Variants in WDR7 observed in about 807,000 individuals in gnomAD.
The protein encoded by WDR7 is WD repeat-containing protein 7.
A neutral mutation model predicts 169.4 loss-of-function variants in WDR7; 46 were observed. That is an observed-to-expected ratio of 0.27 (90% confidence interval 0.21 to 0.35). The LOEUF (loss-of-function observed/expected upper bound fraction) is 0.35. Among genes scored for constraint, WDR7 ranks in the 10% least tolerant of loss-of-function variants. The pLI, the probability that WDR7 is intolerant of heterozygous loss-of-function variation, is 1.00. For synonymous variants in WDR7, 612 were observed against 666.8 expected (o/e 0.92, Z 1.27); for missense variants, 1,534 against 1,859.3 (o/e 0.83, Z 3.22).
At chr18:56,845,542 CTG>C (rs781033283) in intron 20 of WDR7, among the ~76,000 whole-genome samples, 5 of 152,020 alleles carry the variant, frequency 3.3e-5, no homozygotes, top group Non-Finnish European at 5.9e-5. Flanking sequence ...CATTCCATCA[CTG>C]TTACATTTAG....
chr18:56,751,260 G>A (rs968085569), intron 14 of WDR7, among the ~76,000 whole-genome samples: 1 of 152,132 alleles, frequency 6.6e-6, no homozygotes, highest in Admixed American at 6.5e-5. Context: ...AGGGACAGAA[G>A]CATTCACAGA....
intron 21 of WDR7, among the ~76,000 whole-genome samples, chr18:56,921,593 T>C (rs981039579): frequency 6.6e-6 from 1 of 152,166 alleles, no homozygotes; most frequent in Admixed American, 6.5e-5. Flanking sequence ...AGTGAGGCCA[T>C]GCTTGACAGA....
chr18:56,941,290 A>G (rs968775892), intron 25 of WDR7, among the ~76,000 whole-genome samples: 1 of 121,814 alleles, frequency 8.2e-6, no homozygotes, highest in African/African-American at 6.9e-5. Context: ...AGGAGAAGGC[A>G]TAATAATAAT....
intron 20 of WDR7, among the ~76,000 whole-genome samples, chr18:56,855,229 T>C (rs2145384836): frequency 1.0e-5 from 1 of 97,564 alleles, no homozygotes; most frequent in South Asian, 3.9e-4. Context: ...TCAAGTCTTT[T>C]GCCTGTTTTT....
chr18:56,691,140 T>G, intron 7 of WDR7, 76 bp from the exon 8 acceptor site: 1 of 1,532,994 alleles, frequency 6.5e-7, no homozygotes, highest in East Asian at 2.5e-5. Context: ...GGCTTTTTTT[T>G]TAAACTTGAA....
At chr18:56,898,227 A>G (rs1193863231) in intron 21 of WDR7, among the ~76,000 whole-genome samples, 1 of 152,066 alleles carries the variant, frequency 6.6e-6, no homozygotes, top group Non-Finnish European at 1.5e-5. Flanking sequence ...TAATCTATAG[A>G]ATAAAATACC....
downstream of WDR7, chr18:57,032,823 A>T (rs1302990554): frequency 2.0e-5 from 2 of 99,186 alleles, no homozygotes; most frequent in African/African-American, 1.2e-4. Context: ...ATATATATAT[A>T]TATATATATA....
rs146614707 is a variant in WDR7, at chr18:56,745,989, G to A, written c.1990-10594G>A. Among the ~76,000 whole-genome samples the A allele has an allele frequency of 1.1e-3, 164 of 152,150 alleles. 1 individual carries two copies. In the East Asian group the frequency reaches 0.024, roughly 22 times the overall value. On this transcript the variant is annotated intron_variant, in intron 14 of 27. Transcript: ENST00000254442. The stretch of plus-strand genomic sequence containing the variant: ...GTTGGCCAGCAAGTGTGTGAGTCAG[G>A]GACAATGATTTCAAGGTTTAAACAT...
chr18:56,689,146 C>T (rs1247091591), intron 7 of WDR7, among the ~76,000 whole-genome samples: 1 of 152,156 alleles, frequency 6.6e-6, no homozygotes, highest in Non-Finnish European at 1.5e-5. Flanking sequence ...GTACTACAAC[C>T]CACCAGAATG....
At chr18:56,702,432 A>G (rs912747004) in intron 12 of WDR7, among the ~76,000 whole-genome samples, 7 of 152,230 alleles carry the variant, frequency 4.6e-5, no homozygotes, top group Non-Finnish European at 1.0e-4. Context: ...GTTATAAAAC[A>G]TTTTCCTTAA....
At chr18:56,915,287 G>A (rs1224546852) in intron 21 of WDR7, among the ~76,000 whole-genome samples, 1 of 152,180 alleles carries the variant, frequency 6.6e-6, no homozygotes, top group African/African-American at 2.4e-5. Flanking sequence ...AGATGGCACT[G>A]TGCCATCCTT....
intron 20 of WDR7, among the ~76,000 whole-genome samples, chr18:56,833,583 C>T (rs1290338730): frequency 1.3e-5 from 2 of 152,174 alleles, no homozygotes; most frequent in African/African-American, 2.4e-5. Context: ...GTCTGCGTTA[C>T]AAACGTCAGT....
intron 16 of WDR7, among the ~76,000 whole-genome samples, chr18:56,769,631 G>A (rs2044122021): frequency 6.6e-6 from 1 of 152,130 alleles, no homozygotes; most frequent in Non-Finnish European, 1.5e-5. Flanking sequence ...TTACTCAGTG[G>A]GAGGTGCCCA....
intron 21 of WDR7, among the ~76,000 whole-genome samples, chr18:56,883,543 G>A (rs543983931): frequency 5.5e-4 from 83 of 150,344 alleles, no homozygotes; most frequent in African/African-American, 1.8e-3. Context: ...TTTTGGAGGA[G>A]CAAGTGTTGT....
intron 27 of WDR7, among the ~76,000 whole-genome samples, chr18:57,023,039 C>T (rs1309858661): frequency 6.6e-6 from 1 of 152,218 alleles, no homozygotes; most frequent in Non-Finnish European, 1.5e-5. Context: ...AAACCAATGT[C>T]GGAATTTAAC....
At chr18:56,950,307 C>G (rs995593974) in intron 25 of WDR7, among the ~76,000 whole-genome samples, 1 of 152,164 alleles carries the variant, frequency 6.6e-6, no homozygotes, top group African/African-American at 2.4e-5. Context: ...TTGCTCACTG[C>G]CAGCGTGGCA....
At chr18:56,938,967 A>G (rs1261821313) in intron 24 of WDR7, among the ~76,000 whole-genome samples, 2 of 152,002 alleles carry the variant, frequency 1.3e-5, no homozygotes, top group Non-Finnish European at 2.9e-5. Flanking sequence ...TAATATGTAA[A>G]GGTCTGTAAT....
At chr18:57,003,633 A>G in intron 26 of WDR7, among the ~76,000 whole-genome samples, 1 of 152,152 alleles carries the variant, frequency 6.6e-6, no homozygotes, top group East Asian at 1.9e-4. Flanking sequence ...TCAAAGTTAA[A>G]TTAGATGCAA....
the WDR7 span, chr18:57,035,626 C>G: frequency 6.6e-6 from 1 of 152,236 alleles, no homozygotes; most frequent in Non-Finnish European, 1.5e-5. Flanking sequence ...CACCCACATC[C>G]CTGCAGGCCA....
Sources: gnomAD v4.1 joint callset for allele counts (sites outside exome capture counted in the v4.1 genomes callset) on GRCh38, gnomAD v4.1.1 for gene constraint, MANE v1.5 for transcripts, NCBI Gene and HGNC (gene_info 2026-07-23, HGNC 2026-07-21) for gene names.